Variants in ZNF407 observed in about 807,000 individuals in gnomAD.
ZNF407 encodes the protein zinc finger protein 407.
A neutral mutation model predicts 131.2 loss-of-function variants in ZNF407; 17 were observed. That is an observed-to-expected ratio of 0.13 (90% CI 0.09 to 0.19). The LOEUF (loss-of-function observed/expected upper bound fraction) is 0.19, where lower values mean the gene tolerates loss of function less well. ZNF407 is among the 10% of genes least tolerant of loss of function. ZNF407 has a pLI of 1.00. For missense variants in ZNF407, 2,681 were observed against 2,830.6 expected (o/e 0.95, Z 1.20); for synonymous variants, 1,156 against 1,062.0 (o/e 1.09, Z -1.72).
At chr18:74,729,846 A>C (rs9959617) in intron 3 of ZNF407, among the ~76,000 whole-genome samples, 136,140 of 152,050 alleles carry the variant, frequency 0.9, 61,010 homozygotes, top group Non-Finnish European at 0.9. Context: ...GAAAAAAAAG[A>C]CTATTATCTT....
chr18:74,611,970 A>G (rs533131186), intron 1 of ZNF407, among the ~76,000 whole-genome samples: 40 of 152,276 alleles, frequency 2.6e-4, no homozygotes, highest in Admixed American at 9.2e-4. Context: ...TCTTTGTAAG[A>G]GGAAAGACTG....
At chr18:74,794,650 G>T (rs541129173) in intron 4 of ZNF407, among the ~76,000 whole-genome samples, 2 of 152,138 alleles carry the variant, frequency 1.3e-5, no homozygotes, top group South Asian at 4.2e-4. Context: ...TGCCCTAGAT[G>T]AACTAGGTTT....
Position 74,630,642 on chromosome 18 carries a change from GT to G in ZNF407, c.-53-315del, listed in dbSNP as rs199821072. On this transcript the variant is annotated intron_variant, in intron 1 of 8. Coordinates refer to ENST00000299687, the MANE Select transcript of ZNF407 (RefSeq NM_017757.3). ...TTTTGAAAGGAGAGCTTCTCTTTTT[GT>G]TTTTTTTTTAAAAGGGTAGTAAATT... is the stretch of plus-strand genomic sequence containing the variant. 1.9e-3 allele frequency among the ~76,000 whole-genome samples: 277 copies of G among 149,348 alleles called. 7 individuals are homozygous for G. The East Asian group carries it at 0.041, about 22-fold the overall frequency.
intron 8 of ZNF407, among the ~76,000 whole-genome samples, chr18:74,956,313 C>T (rs184703006): frequency 6.6e-5 from 10 of 152,154 alleles, no homozygotes; most frequent in African/African-American, 2.2e-4. Context: ...GTGTGGCCCA[C>T]GTGTGCCCAC....
At chr18:74,775,595 G>A (rs1006459175) in intron 3 of ZNF407, among the ~76,000 whole-genome samples, 1 of 152,090 alleles carries the variant, frequency 6.6e-6, no homozygotes, top group East Asian at 1.9e-4. Flanking sequence ...CCTCATACTC[G>A]ACAGCAACTT....
intron 4 of ZNF407, among the ~76,000 whole-genome samples, chr18:74,873,592 T>C (rs1971116557): frequency 6.6e-6 from 1 of 152,088 alleles, no homozygotes; most frequent in South Asian, 2.1e-4. Context: ...CCAGGTGAGG[T>C]GGCTCAAGCC....
intron 7 of ZNF407, among the ~76,000 whole-genome samples, chr18:74,919,597 G>A (rs973169190): frequency 1.3e-5 from 2 of 152,142 alleles, no homozygotes; most frequent in African/African-American, 2.4e-5. Flanking sequence ...GGCCAGCATG[G>A]TTTGTTTGTT....
intron 8 of ZNF407, among the ~76,000 whole-genome samples, chr18:75,057,041 T>G (rs1973569783): frequency 6.6e-6 from 1 of 152,210 alleles, no homozygotes; most frequent in Admixed American, 6.5e-5. Flanking sequence ...GTGTCCCAAA[T>G]TTTTATGTGA....
chr18:74,837,590 T>G (rs1028725397), intron 4 of ZNF407, among the ~76,000 whole-genome samples: 9 of 152,230 alleles, frequency 5.9e-5, no homozygotes, highest in Non-Finnish European at 1.2e-4. Flanking sequence ...CTAGAAATTC[T>G]AATGCCTATC....
intron 1 of ZNF407, among the ~76,000 whole-genome samples, chr18:74,610,845 C>T (rs1483108052): frequency 5.3e-5 from 8 of 152,170 alleles, no homozygotes; most frequent in East Asian, 3.9e-4. Flanking sequence ...TGAGCCACCA[C>T]GCCCAGCCTA....
At chr18:74,774,798 T>C (rs1225329990) in intron 3 of ZNF407, among the ~76,000 whole-genome samples, 1 of 152,234 alleles carries the variant, frequency 6.6e-6, no homozygotes, top group Non-Finnish European at 1.5e-5. Context: ...GTGATCTTGA[T>C]CCACAATGGG....
chr18:74,782,212 CAGATTCTCCA>C (rs1160004483), intron 4 of ZNF407, among the ~76,000 whole-genome samples: 4 of 152,164 alleles, frequency 2.6e-5, no homozygotes, highest in Non-Finnish European at 4.4e-5. Context: ...CAGCTTCCCT[CAGATTCTCCA>C]AGGTAGGATC....
At chr18:74,892,075 C>T (rs1346725131) in intron 7 of ZNF407, among the ~76,000 whole-genome samples, 2 of 152,124 alleles carry the variant, frequency 1.3e-5, no homozygotes, top group African/African-American at 4.8e-5. Context: ...AAAGTGTTAT[C>T]TACCCACTTA....
At chr18:74,652,642 T>G (rs2016076809) in intron 3 of ZNF407, among the ~76,000 whole-genome samples, 1 of 151,882 alleles carries the variant, frequency 6.6e-6, no homozygotes, top group African/African-American at 2.4e-5. Context: ...ATACAAAAGG[T>G]TTTCAGGGGT....
At chr18:74,638,055 A>T (rs931375739) in intron 2 of ZNF407, among the ~76,000 whole-genome samples, 4 of 152,238 alleles carry the variant, frequency 2.6e-5, no homozygotes, top group African/African-American at 4.8e-5. Context: ...TATTTCATGT[A>T]ACATGGGCTG....
chr18:74,704,979 A>C (rs1967590900), intron 3 of ZNF407, among the ~76,000 whole-genome samples: 1 of 152,220 alleles, frequency 6.6e-6, no homozygotes, highest in South Asian at 2.1e-4. Flanking sequence ...CCCCAGTATT[A>C]GGATTAGAAG....
chr18:74,895,291 C>T (rs1971439281), intron 7 of ZNF407, among the ~76,000 whole-genome samples: 1 of 151,122 alleles, frequency 6.6e-6, no homozygotes, highest in Admixed American at 6.6e-5. Context: ...TGATGCTCAA[C>T]TAGAAGTGTG....
At chr18:74,950,075 G>A (rs1470985522) in intron 8 of ZNF407, among the ~76,000 whole-genome samples, 7 of 152,168 alleles carry the variant, frequency 4.6e-5, no homozygotes, top group Non-Finnish European at 2.9e-5. Context: ...GCACTGAATG[G>A]CCATAAGACA....
intron 4 of ZNF407, among the ~76,000 whole-genome samples, chr18:74,834,786 G>T (rs558961882): frequency 6.6e-6 from 1 of 152,328 alleles, no homozygotes; most frequent in South Asian, 2.1e-4. Context: ...AATAGTGAAA[G>T]TGGGTTGATT....
Sources: allele counts gnomAD v4.1 joint callset (sites outside exome capture counted in the v4.1 genomes callset), GRCh38; gene constraint gnomAD v4.1.1; transcripts MANE v1.5; gene names NCBI Gene and HGNC (gene_info 2026-07-23, HGNC 2026-07-21).